The following DCAF7 variants were observed in gnomAD, a reference collection of about 807,000 sequenced individuals.
DCAF7 encodes the protein DDB1 and CUL4 associated factor 7.
DCAF7 carries 4 observed loss-of-function variants against 41.2 expected under a neutral mutation model. The ratio of observed to expected loss-of-function variants is 0.10; its 90% confidence interval spans 0.05 to 0.22. The LOEUF (loss-of-function observed/expected upper bound fraction) is 0.22, where lower values mean the gene tolerates loss of function less well. Among genes scored for constraint, DCAF7 ranks in the 10% least tolerant of loss-of-function variants. DCAF7 has a pLI of 1.00. For synonymous variants in DCAF7, 143 were observed against 164.2 expected (o/e 0.87, Z 0.99); for missense variants, 131 against 443.2 (o/e 0.30, Z 6.32).
At chr17:63,575,546 A>G (rs1399507436) in intron 1 of DCAF7, among the ~76,000 whole-genome samples, 1 of 152,130 alleles carries the variant, frequency 6.6e-6, no homozygotes, top group Non-Finnish European at 1.5e-5. Flanking sequence ...CTAAAAATAC[A>G]AAAATTGCCT....
chr17:63,571,331 A>G (rs16946994), intron 1 of DCAF7, among the ~76,000 whole-genome samples: 1,958 of 152,332 alleles, frequency 0.013, 33 homozygotes, highest in African/African-American at 0.044. Flanking sequence ...AATGGCAATT[A>G]CTGGTATAGA....
At chr17:63,554,322 T>A (rs1294239435) in intron 1 of DCAF7, among the ~76,000 whole-genome samples, 1 of 152,264 alleles carries the variant, frequency 6.6e-6, no homozygotes, top group African/African-American at 2.4e-5. Flanking sequence ...TGTGTGAGAA[T>A]CCTGAGGGAG....
chr17:63,587,049 T>C (rs986531747), intron 6 of DCAF7, among the ~76,000 whole-genome samples: 3 of 152,226 alleles, frequency 2.0e-5, no homozygotes, highest in African/African-American at 7.2e-5. Flanking sequence ...TAGGATTCTG[T>C]CCTAGTCCTG....
rs759741356 is a variant in DCAF7, at chr17:63,579,989, C to T, written c.528+46C>T. 12 of 1,427,298 alleles carry T rather than the reference C, an allele frequency of 8.4e-6. No individual in the cohort carries two copies. The African/African-American group carries it at 1.4e-4, about 17-fold the overall frequency. 88.4% of individuals were successfully genotyped at this position (1,427,298 alleles called of 1,614,324 possible). A position where few individuals can be genotyped will look rare whatever the true frequency, so the allele number is the denominator to read the frequency against. On this transcript the variant is annotated intron_variant, in intron 4 of 6. Coordinates refer to ENST00000614556, the MANE Select transcript of DCAF7 (RefSeq NM_005828.5). ...GTCTTTCCTCAAATGCTTCCTGTGC[C>T]TTCCGCACAGGAAGAGGTCAGCTTG...
chr17:63,580,507 CTTTTTTTTTTTTT>C (rs530801174), intron 4 of DCAF7, among the ~76,000 whole-genome samples: 1,069 of 43,974 alleles, frequency 0.024, 41 homozygotes, highest in Middle Eastern at 0.21. Context: ...TTTGTGATTG[CTTTTTTTTTTTTT>C]TTTTTTTTTT....
chr17:63,565,997 A>C lies in DCAF7; in HGVS notation c.139-12473A>C, dbSNP rs149530417. On this transcript the variant is annotated intron_variant, in intron 1 of 6. Transcript: ENST00000614556. ...GTACCTATAATCCTAGCTACTCAGG[A>C]AACTGAGGCAGGAGAATCGCTTGAA... Among the ~76,000 whole-genome samples, 1,141 of 152,016 alleles carry C rather than the reference A, an allele frequency of 7.5e-3. 15 individuals carry two copies. The highest frequency in any genetic ancestry group is 0.026 in the African/African-American group (1,066 of 41,466).
intron 1 of DCAF7, among the ~76,000 whole-genome samples, chr17:63,567,258 C>A (rs534749638): frequency 6.6e-6 from 1 of 152,216 alleles, no homozygotes; most frequent in East Asian, 1.9e-4. Flanking sequence ...TATGCATATT[C>A]AGAGAGAACT....
In DCAF7 at chr17:63,583,789, A is replaced by G. The variant is rs555732738; in HGVS notation, c.738+78A>G. 369 of 1,457,928 alleles carry G rather than the reference A, an allele frequency of 2.5e-4. 5 individuals are homozygous for G. In the South Asian group the frequency reaches 2.8e-3, roughly 11 times the overall value. 90.3% of individuals were successfully genotyped at this position (1,457,928 alleles called of 1,614,324 possible). A position where few individuals can be genotyped will look rare whatever the true frequency, so the allele number is the denominator to read the frequency against. ...AGTATATCTAGAAGGCTGGTTCTCAACTGGAGCAGTTTGGCTCCCGGAGTA... is the reference window on the plus strand; with the variant it reads ...AGTATATCTAGAAGGCTGGTTCTCAGCTGGAGCAGTTTGGCTCCCGGAGTA... On this transcript the variant is annotated intron_variant, in intron 5 of 6. Coordinates refer to ENST00000614556, the MANE Select transcript of DCAF7 (RefSeq NM_005828.5).
chr17:63,585,220 C>G lies in DCAF7; in HGVS notation c.748C>G (p.Leu250Val). 1 of 1,613,768 alleles carries G rather than the reference C, an allele frequency of 6.2e-7. No individual in the cohort carries two copies. The highest frequency in any genetic ancestry group is 1.1e-5 in the South Asian group (1 of 91,060). The change falls in exon 6 of 7, where the codon CTA (leucine) becomes GTA (valine). Residue 250 changes from leucine to valine, a missense_variant. Coordinates refer to ENST00000614556, the MANE Select transcript of DCAF7 (RefSeq NM_005828.5). ...MAMDGMEVVILDVRVPCTPVA... is the reference protein window; with the variant it reads ...MAMDGMEVVIVDVRVPCTPVA... The stretch of plus-strand genomic sequence containing the variant: ...CTTGTTATTTCCGCAGGTGGTGATT[C>G]TAGATGTCCGGGTTCCCTGCACACC...
rs530907124 is a variant in DCAF7 at position 63,586,955 on chromosome 17, T to C, written c.856+1627T>C. Among the ~76,000 whole-genome samples the C allele has an allele frequency of 2.0e-5, 3 of 152,316 alleles. No homozygotes were observed. The East Asian group carries it at 5.8e-4, about 29-fold the overall frequency. On this transcript the variant is annotated intron_variant, in intron 6 of 6. Transcript: ENST00000614556. ...GACCTCTATCAACAGGTAATGTGTCTCCTTCCAGACCCTTTTGGTATACTT... is the reference window on the plus strand; with the variant it reads ...GACCTCTATCAACAGGTAATGTGTCCCCTTCCAGACCCTTTTGGTATACTT...
At chr17:63,581,948 C>T (rs1598035927) in intron 4 of DCAF7, among the ~76,000 whole-genome samples, 1 of 152,120 alleles carries the variant, frequency 6.6e-6, no homozygotes, top group Non-Finnish European at 1.5e-5. Context: ...ACCATGCTAG[C>T]GGAGCACTGA....
In DCAF7 at chr17:63,591,364, A is replaced by T. The variant is rs545537071; in HGVS notation, c.*2192A>T. On this transcript the variant is annotated 3_prime_UTR_variant, in exon 7 of 7. Coordinates refer to ENST00000614556, the MANE Select transcript of DCAF7 (RefSeq NM_005828.5). ...TCAGAAACAACAACTTGAAAAAAAA[A>T]TAATAATTAGAACATATTTGCATAA... 6.6e-6 allele frequency: 1 copy of T among 152,360 alleles called. No individual in the cohort carries two copies. Among genetic ancestry groups the T allele is most frequent in the East Asian group, 1.9e-4 (1 of 5,190 alleles). 9.4% of individuals were successfully genotyped at this position (152,360 alleles called of 1,614,324 possible). A position where few individuals can be genotyped will look rare whatever the true frequency, so the allele number is the denominator to read the frequency against.
chr17:63,551,076 C>T (rs914997058), intron 1 of DCAF7, among the ~76,000 whole-genome samples: 17 of 152,196 alleles, frequency 1.1e-4, no homozygotes, highest in African/African-American at 4.1e-4. Flanking sequence ...GCAGCTATTT[C>T]GGGGTGGAAA....
chr17:63,573,515 A>G (rs1009004171), intron 1 of DCAF7, among the ~76,000 whole-genome samples: 2 of 152,092 alleles, frequency 1.3e-5, no homozygotes, highest in Non-Finnish European at 2.9e-5. Flanking sequence ...ACCTGAGATC[A>G]GGAGCTTGAG....
At chr17:63,580,301 AG>A (rs2033607401) in intron 4 of DCAF7, among the ~76,000 whole-genome samples, 1 of 152,158 alleles carries the variant, frequency 6.6e-6, no homozygotes, top group African/African-American at 2.4e-5. Context: ...TGGGGAGGAA[AG>A]AAGGGAGACA....
Position 63,591,998 on chromosome 17 carries a change from G to C in DCAF7, c.*2826G>C, listed in dbSNP as rs1284687390. 2.0e-5 allele frequency: 3 copies of C among 152,302 alleles called. No homozygotes were observed. Among genetic ancestry groups the C allele is most frequent in the Non-Finnish European group, 4.4e-5 (3 of 68,116 alleles). 9.4% of individuals were successfully genotyped at this position (152,302 alleles called of 1,614,324 possible). Reference sequence around the variant, plus strand: ...TCTACCACCAGAGAGCTGGAGAATGGGTCCACGTCATTCAAGGACCTGAAT... The same window carrying C: ...TCTACCACCAGAGAGCTGGAGAATGCGTCCACGTCATTCAAGGACCTGAAT... On this transcript the variant is annotated 3_prime_UTR_variant, in exon 7 of 7. Coordinates refer to ENST00000614556, the MANE Select transcript of DCAF7 (RefSeq NM_005828.5).
At chr17:63,559,117 C>T (rs1370703401) in intron 1 of DCAF7, among the ~76,000 whole-genome samples, 2 of 150,952 alleles carry the variant, frequency 1.3e-5, no homozygotes, top group East Asian at 4.0e-4. Flanking sequence ...CGAGACCAGC[C>T]TGGCCAACAT....
At chr17:63,566,472 G>A (rs1194873064) in intron 1 of DCAF7, among the ~76,000 whole-genome samples, 2 of 151,890 alleles carry the variant, frequency 1.3e-5, no homozygotes, top group Non-Finnish European at 2.9e-5. Context: ...ATTAGCAAAA[G>A]TAGAGTAGTA....
rs2033645660 is a variant in DCAF7 at position 63,583,472 on chromosome 17, A to T, written c.529-30A>T. ...TAGGAAGAAGAGGTAATGGATCTGA[A>T]TCTGACTGGAGCTTCTTGTTCACCA... is the stretch of plus-strand genomic sequence containing the variant. On this transcript the variant is annotated intron_variant, in intron 4 of 6. Coordinates refer to ENST00000614556, the MANE Select transcript of DCAF7 (RefSeq NM_005828.5). 3 of 1,598,224 alleles carry T rather than the reference A, an allele frequency of 1.9e-6. No individual in the cohort carries two copies. The African/African-American group carries it at 4.0e-5, about 21-fold the overall frequency.
Sources: allele counts gnomAD v4.1 joint callset (sites outside exome capture counted in the v4.1 genomes callset), GRCh38; gene constraint gnomAD v4.1.1; transcripts MANE v1.5; gene names NCBI Gene and HGNC (gene_info 2026-07-23, HGNC 2026-07-21).